PTPN13: variants seen among roughly 807,000 people sequenced by gnomAD.
PTPN13 encodes protein tyrosine phosphatase non-receptor type 13.
A neutral mutation model predicts 284.0 loss-of-function variants in PTPN13; 191 were observed. The observed-to-expected ratio is 0.67, with a 90% CI of 0.60 to 0.76. PTPN13 has a LOEUF of 0.76. Ranked by LOEUF, PTPN13 falls within the 30% of genes least tolerant of loss-of-function variation. The pLI is 0.00. For synonymous variants in PTPN13, 986 were observed against 1,022.3 expected (o/e 0.96, Z 0.68); for missense variants, 2,797 against 2,939.9 (o/e 0.95, Z 1.12).
chr4:86,605,484 C>T (rs1010407706), intron 1 of PTPN13, among the ~76,000 whole-genome samples: 5 of 151,840 alleles, frequency 3.3e-5, no homozygotes, highest in African/African-American at 1.2e-4. Flanking sequence ...AAAGAATCAT[C>T]TCCTTTTATG....
Position 86,750,593 on chromosome 4 carries a change from T to C in PTPN13, c.2774T>C (p.Leu925Ser). Reference protein sequence around the residue: ...STLNKLAVRPLSVQAEILKRL... With the variant: ...STLNKLAVRPSSVQAEILKRL... Reference sequence around the variant, plus strand: ...CTCAACAAACTTGCTGTTCGACCTTTATCAGTTCAAGCTGAGATTCTGAAG... The same window carrying C: ...CTCAACAAACTTGCTGTTCGACCTTCATCAGTTCAAGCTGAGATTCTGAAG... Residue 925 changes from leucine to serine, a missense_variant, in exon 18 of 48, where the codon TTA becomes TCA. Coordinates refer to ENST00000411767, the MANE Select transcript of PTPN13 (RefSeq NM_080683.3). 1.9e-6 allele frequency: 3 copies of C among 1,613,924 alleles called. No homozygotes were observed. The highest frequency in any genetic ancestry group is 2.5e-6 in the Non-Finnish European group (3 of 1,179,868).
intron 3 of PTPN13, among the ~76,000 whole-genome samples, chr4:86,676,818 A>G (rs527515137): frequency 2.6e-4 from 40 of 152,338 alleles, no homozygotes; most frequent in Middle Eastern, 6.8e-3. Flanking sequence ...AGTCAAAATC[A>G]TAGAAACAAA....
intron 1 of PTPN13, among the ~76,000 whole-genome samples, chr4:86,613,650 AAG>A (rs1459573793): frequency 3.3e-5 from 5 of 151,780 alleles, no homozygotes; most frequent in African/African-American, 7.3e-5. Context: ...AAAAAAAAAA[AAG>A]AGTTTGGGGA....
chr4:86,750,696 G>T lies in PTPN13; in HGVS notation c.2877G>T (p.Trp959Cys). The change falls in exon 18 of 48, where the codon TGG becomes TGT. Residue 959 changes from tryptophan to cysteine, a missense_variant. Trp to Cys is a radical substitution (Grantham distance 215, BLOSUM62 -2). Coordinates refer to ENST00000411767, the MANE Select transcript of PTPN13 (RefSeq NM_080683.3). The part of the protein sequence containing the change: ...SSKEKNDKAS[W>C]EEKPREMSKS... ...AAGAGAAGAATGACAAAGCTTCATG[G>T]GAGGAAAAGCCTAGAGAGATGAGTA... 1.2e-6 allele frequency: 2 copies of T among 1,613,800 alleles called. No individual in the cohort carries two copies. Among genetic ancestry groups the T allele is most frequent in the Non-Finnish European group, 1.7e-6 (2 of 1,179,812 alleles).
chr4:86,809,613 C>T (rs1190207719), intron 45 of PTPN13, among the ~76,000 whole-genome samples, 156 bp from the exon 46 acceptor site: 1 of 152,112 alleles, frequency 6.6e-6, no homozygotes, highest in African/African-American at 2.4e-5. Flanking sequence ...ATCGCTTGAA[C>T]CTGGGAGGCG....
chr4:86,712,700 A>G (rs181664992), intron 7 of PTPN13, among the ~76,000 whole-genome samples: 2 of 152,234 alleles, frequency 1.3e-5, no homozygotes, highest in African/African-American at 4.8e-5. Context: ...AAGTATCATA[A>G]GGTAATAACC....
At chr4:86,733,722 A>G (rs1735199504) in intron 12 of PTPN13, among the ~76,000 whole-genome samples, 1 of 152,118 alleles carries the variant, frequency 6.6e-6, no homozygotes, top group East Asian at 1.9e-4. Flanking sequence ...ACTATACCTA[A>G]TTTCTTACAG....
At chr4:86,766,863 G>C (rs1214391966) in intron 27 of PTPN13, among the ~76,000 whole-genome samples, 2 of 152,146 alleles carry the variant, frequency 1.3e-5, no homozygotes, top group African/African-American at 4.8e-5. Flanking sequence ...AATTTATTTT[G>C]TTGAAGTACA....
intron 2 of PTPN13, among the ~76,000 whole-genome samples, chr4:86,641,909 C>T (rs1293266633): frequency 6.6e-6 from 1 of 152,118 alleles, no homozygotes; most frequent in Non-Finnish European, 1.5e-5. Context: ...TTTGTGCTTA[C>T]AATTTTTTTA....
chr4:86,621,384 A>G (rs911244111), intron 1 of PTPN13, among the ~76,000 whole-genome samples: 1 of 152,242 alleles, frequency 6.6e-6, no homozygotes, highest in Non-Finnish European at 1.5e-5. Flanking sequence ...GCTTTCAAAG[A>G]TAGCCGACTT....
In PTPN13 at chr4:86,669,129, T is replaced by G. The variant is rs563071032; in HGVS notation, c.116-3236T>G. On this transcript the variant is annotated intron_variant, in intron 2 of 47. Coordinates refer to ENST00000411767, the MANE Select transcript of PTPN13 (RefSeq NM_080683.3). ...AAGGGCCACATATAAAATAAGAAATTAATTCTTTATTGTAGTTGAAGTAAT... is the reference window on the plus strand; with the variant it reads ...AAGGGCCACATATAAAATAAGAAATGAATTCTTTATTGTAGTTGAAGTAAT... Among the ~76,000 whole-genome samples the G allele has an allele frequency of 8.6e-4, 131 of 151,816 alleles. 1 individual carries two copies. The Middle Eastern group carries it at 0.017, about 20-fold the overall frequency.
Position 86,775,522 on chromosome 4 carries a change from A to G in PTPN13, c.5761A>G (p.Ile1921Val). 2 of 1,613,142 alleles carry G rather than the reference A, an allele frequency of 1.2e-6. No homozygotes were observed. The highest frequency in any genetic ancestry group is 8.5e-7 in the Non-Finnish European group (1 of 1,179,222). Residue 1921 changes from isoleucine (I) to valine (V), a missense_variant, in exon 35 of 48, where the codon ATT becomes GTT. Physicochemically the swap from Ile to Val is conservative, Grantham distance 29 (BLOSUM62 3). Transcript: ENST00000411767. ...SDINPRSVAAIEGNLQLLDVI... is the reference protein window; with the variant it reads ...SDINPRSVAAVEGNLQLLDVI... ...TATTAATCCAAGGTCCGTCGCAGCC[A>G]TTGAGGGTAATCTCCAGCTATTAGA...
chr4:86,626,465 ATTC>A (rs1934543927), intron 1 of PTPN13, among the ~76,000 whole-genome samples: 1 of 151,996 alleles, frequency 6.6e-6, no homozygotes, highest in Admixed American at 6.6e-5. Context: ...TAAAATTCCT[ATTC>A]TTTCTTAGTT....
At chr4:86,797,858 A>G (rs1276372418) in intron 41 of PTPN13, among the ~76,000 whole-genome samples, 1 of 152,074 alleles carries the variant, frequency 6.6e-6, no homozygotes, top group African/African-American at 2.4e-5. Context: ...TTTTACAAAA[A>G]TATATATGAG....
Position 86,663,037 on chromosome 4 carries a change from A to G in PTPN13, c.116-9328A>G, listed in dbSNP as rs538907290. On this transcript the variant is annotated intron_variant, in intron 2 of 47. Coordinates refer to ENST00000411767, the MANE Select transcript of PTPN13 (RefSeq NM_080683.3). The stretch of plus-strand genomic sequence containing the variant: ...CTCTTAAAAATAAATGAGTAAATAT[A>G]GAAAGTGTTACAGAAGAAACAAAAT... Among the ~76,000 whole-genome samples, 43 of 152,346 alleles carry G rather than the reference A, an allele frequency of 2.8e-4. No homozygotes were observed. In the South Asian group the frequency reaches 8.5e-3, roughly 30 times the overall value.
At chr4:86,707,240 G>C (rs1731872838) in intron 7 of PTPN13, among the ~76,000 whole-genome samples, 1 of 152,210 alleles carries the variant, frequency 6.6e-6, no homozygotes, top group Admixed American at 6.5e-5. Flanking sequence ...AGGAAAGTAT[G>C]AAGAACAGAT....
At chr4:86,809,374 G>A (rs541310050) in intron 45 of PTPN13, among the ~76,000 whole-genome samples, 4 of 152,164 alleles carry the variant, frequency 2.6e-5, no homozygotes, top group Non-Finnish European at 4.4e-5. Context: ...CTATAGACAA[G>A]CCAAAATTTG....
At chr4:86,607,076 CAA>C (rs1033492777) in intron 1 of PTPN13, among the ~76,000 whole-genome samples, 1 of 151,632 alleles carries the variant, frequency 6.6e-6, no homozygotes, top group Non-Finnish European at 1.5e-5. Flanking sequence ...GATTCTGTCT[CAA>C]GATAAAAATT....
rs57773658 is a variant in PTPN13, at chr4:86,728,643, CTTTTTTTTTTTTTTTTT to C, written c.1609-3739_1609-3723del. On this transcript the variant is annotated intron_variant, in intron 10 of 47. Transcript: ENST00000411767. ...CAGAGACTAGGATTGCAACCCCTGC[CTTTTTTTTTTTTTTTTT>C]TTTTTTTTTTTTTTTTTGCTTTCCA... Among the ~76,000 whole-genome samples the C allele has an allele frequency of 5.3e-4, 13 of 24,504 alleles. 1 individual carries two copies. The highest frequency in any genetic ancestry group is 7.1e-4 in the Admixed American group (1 of 1,408). The allele number at this position is 24,504 out of a possible 152,430, so 16.1% of individuals were successfully genotyped here. A position where few individuals can be genotyped will look rare whatever the true frequency, so the allele number is the denominator to read the frequency against.
Sources: gnomAD v4.1 joint callset for allele counts (sites outside exome capture counted in the v4.1 genomes callset) on GRCh38, gnomAD v4.1.1 for gene constraint, MANE v1.5 for transcripts, NCBI Gene and HGNC (gene_info 2026-07-23, HGNC 2026-07-21) for gene names.